NRG3: variants seen among roughly 807,000 people sequenced by gnomAD.
NRG3 encodes pro-neuregulin-3, membrane-bound isoform.
In NRG3, 31 loss-of-function variants were observed where a neutral mutation model predicts 66.9. That is an observed-to-expected ratio of 0.46 (90% confidence interval 0.35 to 0.63). NRG3 has a LOEUF of 0.63. NRG3 is among the 20% of genes least tolerant of loss of function. NRG3 has a pLI of 0.00. For missense variants in NRG3, 910 were observed against 878.9 expected (o/e 1.04, Z -0.45); for synonymous variants, 393 against 359.4 (o/e 1.09, Z -1.06).
At chr10:82,774,323 G>A (rs2059818289) in intron 3 of NRG3, among the ~76,000 whole-genome samples, 1 of 152,144 alleles carries the variant, frequency 6.6e-6, no homozygotes, top group Admixed American at 6.6e-5. Flanking sequence ...ATTATTTTGG[G>A]AAAGAGTTTG....
chr10:82,785,241 T>C (rs1448280710), intron 3 of NRG3, among the ~76,000 whole-genome samples: 1 of 151,852 alleles, frequency 6.6e-6, no homozygotes, highest in African/African-American at 2.4e-5. Context: ...CATTAGGAGA[T>C]ATACCTAATG....
chr10:82,647,157 C>T (rs1191192136), intron 2 of NRG3, among the ~76,000 whole-genome samples: 1 of 151,950 alleles, frequency 6.6e-6, no homozygotes, highest in South Asian at 2.1e-4. Flanking sequence ...CTCCCCACTC[C>T]CCCGACCCCA....
At chr10:82,638,056 T>G (rs1021569074) in intron 2 of NRG3, among the ~76,000 whole-genome samples, 7 of 152,130 alleles carry the variant, frequency 4.6e-5, no homozygotes, top group African/African-American at 1.7e-4. Flanking sequence ...TTCCTGTAAG[T>G]TTAGAGTTAG....
chr10:82,296,487 T>C (rs980916274), intron 1 of NRG3, among the ~76,000 whole-genome samples: 5 of 152,180 alleles, frequency 3.3e-5, no homozygotes, highest in African/African-American at 1.2e-4. Flanking sequence ...CGAGTTTTTA[T>C]TGGAGGATAA....
intron 4 of NRG3, among the ~76,000 whole-genome samples, chr10:82,920,929 A>G (rs1428349455): frequency 1.3e-5 from 2 of 152,188 alleles, no homozygotes; most frequent in Non-Finnish European, 2.9e-5. Flanking sequence ...TCTCTCATGC[A>G]GAAAAATTTC....
At chr10:82,040,421 TAATC>T (rs1470161892) in intron 1 of NRG3, among the ~76,000 whole-genome samples, 2 of 151,272 alleles carry the variant, frequency 1.3e-5, no homozygotes. Flanking sequence ...ATGTAATATG[TAATC>T]TTTCATAATA....
chr10:81,939,598 G>A (rs767264639), intron 1 of NRG3, among the ~76,000 whole-genome samples: 1 of 150,534 alleles, frequency 6.6e-6, no homozygotes, highest in Non-Finnish European at 1.5e-5. Context: ...TTATTTCTGT[G>A]GCATCAGTTG....
intron 3 of NRG3, chr10:82,827,110 A>T (rs2062256192): frequency 6.0e-6 from 2 of 334,276 alleles, no homozygotes. Context: ...ATAACTCTTG[A>T]TATTGAGAAT....
chr10:81,938,661 A>C (rs1848131457), intron 1 of NRG3, among the ~76,000 whole-genome samples: 1 of 145,064 alleles, frequency 6.9e-6, no homozygotes, highest in Non-Finnish European at 1.5e-5. Flanking sequence ...ATGCATGCAA[A>C]AATTTTAAGG....
chr10:82,905,155 T>G (rs974858161), intron 4 of NRG3, among the ~76,000 whole-genome samples: 1 of 152,222 alleles, frequency 6.6e-6, no homozygotes, highest in African/African-American at 2.4e-5. Flanking sequence ...ATGGTCTTTA[T>G]ATTTAAAATG....
chr10:82,839,987 T>A (rs1591683650), intron 3 of NRG3, among the ~76,000 whole-genome samples: 2 of 152,310 alleles, frequency 1.3e-5, no homozygotes, highest in Non-Finnish European at 2.9e-5. Flanking sequence ...GCTACCTTCC[T>A]TCTTCAACAG....
intron 2 of NRG3, among the ~76,000 whole-genome samples, chr10:82,693,244 A>AG (rs2055087869): frequency 6.6e-6 from 1 of 152,208 alleles, no homozygotes; most frequent in Non-Finnish European, 1.5e-5. Context: ...AGCCAACAGC[A>AG]TTCATTTATT....
chr10:82,000,356 G>T (rs1040863004), intron 1 of NRG3, among the ~76,000 whole-genome samples: 1 of 152,010 alleles, frequency 6.6e-6, no homozygotes, highest in Non-Finnish European at 1.5e-5. Context: ...CATGTATACA[G>T]CTGCTTTTTT....
intron 1 of NRG3, among the ~76,000 whole-genome samples, chr10:82,229,853 A>G (rs2076365352): frequency 6.6e-6 from 1 of 152,238 alleles, no homozygotes; most frequent in African/African-American, 2.4e-5. Context: ...TGTTACATCC[A>G]AAGTTACATT....
rs148298689 is a variant in NRG3 at position 82,730,331 on chromosome 10, G to A, written c.954-8246G>A. On this transcript the variant is annotated intron_variant, in intron 2 of 8. Coordinates refer to ENST00000372141, the MANE Select transcript of NRG3 (RefSeq NM_001010848.4). The stretch of plus-strand genomic sequence containing the variant: ...GATCTCCTGACCTTGTGATCCACCC[G>A]CCTCAGCCTCCCAAAGTTCTGGGAT... Among the ~76,000 whole-genome samples the A allele has an allele frequency of 5.4e-3, 816 of 152,020 alleles. 11 individuals carry two copies. The highest frequency in any genetic ancestry group is 0.019 in the African/African-American group (779 of 41,452).
intron 1 of NRG3, among the ~76,000 whole-genome samples, chr10:81,935,917 A>C (rs1437201113): frequency 1.4e-5 from 2 of 147,222 alleles, no homozygotes; most frequent in African/African-American, 5.2e-5. Flanking sequence ...ACACACACAC[A>C]CACACACAGT....
At chr10:82,213,117 G>A (rs1317943673) in intron 1 of NRG3, among the ~76,000 whole-genome samples, 1 of 152,166 alleles carries the variant, frequency 6.6e-6, no homozygotes, top group East Asian at 1.9e-4. Context: ...GAGGACCCAG[G>A]TAGAGTGGTA....
chr10:82,909,098 AAG>A (rs577159620), intron 4 of NRG3, among the ~76,000 whole-genome samples: 94 of 152,350 alleles, frequency 6.2e-4, no homozygotes, highest in Admixed American at 1.3e-3. Flanking sequence ...CTTGCGTAGA[AAG>A]ACTTAATTTC....
intron 1 of NRG3, among the ~76,000 whole-genome samples, chr10:82,125,246 T>TCAGTGTGTG (rs928603188): frequency 6.6e-6 from 1 of 151,982 alleles, no homozygotes; most frequent in African/African-American, 2.4e-5. Flanking sequence ...TGCAGCTGTG[T>TCAGTGTGTG]CAGTGTGTGT....
Sources: allele counts gnomAD v4.1 joint callset (sites outside exome capture counted in the v4.1 genomes callset), GRCh38; gene constraint gnomAD v4.1.1; transcripts MANE v1.5; gene names NCBI Gene and HGNC (gene_info 2026-07-23, HGNC 2026-07-21).